The following NAV3 variants were observed in gnomAD, a reference collection of about 807,000 sequenced individuals.
The protein encoded by NAV3 is neuron navigator 3.
In NAV3, 87 loss-of-function variants were observed where a neutral mutation model predicts 244.7. That is an observed-to-expected ratio of 0.36 (90% CI 0.30 to 0.42). The LOEUF is 0.42. Ranked by LOEUF, NAV3 falls within the 20% of genes least tolerant of loss-of-function variation. The probability of loss-of-function intolerance (pLI) is 1.00; values close to 1 mark genes in which losing one functional copy is unlikely to be tolerated. For synonymous variants in NAV3, 1,126 were observed against 1,042.2 expected (o/e 1.08, Z -1.55); for missense variants, 2,663 against 2,893.3 (o/e 0.92, Z 1.83).
chr12:77,619,923 A>G (rs1229550742), intron 2 of NAV3, among the ~76,000 whole-genome samples: 1 of 152,124 alleles, frequency 6.6e-6, no homozygotes, highest in Non-Finnish European at 1.5e-5. Context: ...GAAATTTTCA[A>G]ATGTTTAAAT....
At chr12:77,837,674 T>A (rs1874903095) in intron 1 of NAV3, among the ~76,000 whole-genome samples, 1 of 152,138 alleles carries the variant, frequency 6.6e-6, no homozygotes, top group Non-Finnish European at 1.5e-5. Flanking sequence ...ACTGCAGCAA[T>A]AAATACTTCT....
rs192660819 is a variant in NAV3 at position 77,936,050 on chromosome 12, C to T, written c.244-4269C>T. On this transcript the variant is annotated intron_variant, in intron 1 of 39. Transcript: ENST00000397909. ...GTATCAGTAGGTTATAATATTATTG[C>T]CATTTTACAGATGAGAATACTGGGG... is the stretch of plus-strand genomic sequence containing the variant. Among the ~76,000 whole-genome samples, 19 of 152,128 alleles carry T rather than the reference C, an allele frequency of 1.2e-4. No individual in the cohort carries two copies. The East Asian group carries it at 3.5e-3, about 28-fold the overall frequency.
rs71088358 is a variant in NAV3 at position 78,092,491 on chromosome 12, C to CTTTTTT, written c.2637-24260_2637-24255dup. Among the ~76,000 whole-genome samples the CTTTTTT allele has an allele frequency of 2.3e-4, 15 of 64,028 alleles. 2 individuals carry two copies. Among genetic ancestry groups the CTTTTTT allele is most frequent in the South Asian group, 6.1e-4 (1 of 1,652 alleles). The allele number at this position is 64,028 out of a possible 152,430, so 42.0% of individuals were successfully genotyped here. Reference sequence around the variant, plus strand: ...ACCCTTTGAAAGCGTTAGTTATTTTCTTTTTTTTTTTTTTTTTTTTTTTTT... The same window carrying CTTTTTT: ...ACCCTTTGAAAGCGTTAGTTATTTTCTTTTTTTTTTTTTTTTTTTTTTTTTTTTTTT... On this transcript the variant is annotated intron_variant, in intron 12 of 39. Transcript: ENST00000397909.
At chr12:77,608,180 A>G (rs1486452114) in intron 2 of NAV3, among the ~76,000 whole-genome samples, 11 of 152,112 alleles carry the variant, frequency 7.2e-5, no homozygotes, top group Non-Finnish European at 1.5e-5. Flanking sequence ...TGGGTATGTC[A>G]CTGCATTTAT....
intron 30 of NAV3, among the ~76,000 whole-genome samples, chr12:78,182,821 T>C (rs1025541767): frequency 6.6e-6 from 1 of 151,936 alleles, no homozygotes; most frequent in African/African-American, 2.4e-5. Flanking sequence ...AAAAATTAAA[T>C]CACACAACCA....
At chr12:77,968,394 T>C in intron 4 of NAV3, 125 bp from the exon 5 acceptor site, 2 of 749,448 alleles carry the variant, frequency 2.7e-6, no homozygotes, top group South Asian at 3.4e-5. Flanking sequence ...GATTCAACTG[T>C]GACTGAGAGA....
intron 16 of NAV3, among the ~76,000 whole-genome samples, chr12:78,123,486 T>C (rs300446): frequency 0.68 from 103,651 of 151,950 alleles, 35,633 homozygotes; most frequent in Admixed American, 0.72. Context: ...CCAGTTTCCC[T>C]TTAATGTAGG....
intron 9 of NAV3, among the ~76,000 whole-genome samples, chr12:78,049,218 G>C (rs1403373253): frequency 2.0e-5 from 3 of 152,124 alleles, no homozygotes; most frequent in Non-Finnish European, 4.4e-5. Context: ...CCCTTTCCAG[G>C]TGAGTGGATG....
intron 9 of NAV3, among the ~76,000 whole-genome samples, chr12:78,039,277 C>T (rs766202005): frequency 7.9e-5 from 12 of 152,204 alleles, no homozygotes; most frequent in Non-Finnish European, 1.3e-4. Flanking sequence ...GTTCTGTTTA[C>T]GACTCAAAAT....
intron 16 of NAV3, among the ~76,000 whole-genome samples, chr12:78,124,942 A>G (rs1955841723): frequency 6.6e-6 from 1 of 152,214 alleles, no homozygotes; most frequent in Admixed American, 6.5e-5. Context: ...TATAATATTA[A>G]TATTAATTAG....
rs1324021716 is a variant in NAV3 at position 78,199,332 on chromosome 12, T to C, written c.6519-3T>C. On this transcript the variant is annotated splice_polypyrimidine_tract_variant and splice_region_variant and intron_variant, in intron 36 of 39. Coordinates refer to ENST00000397909, the MANE Select transcript of NAV3 (RefSeq NM_001024383.2). ...AAATGTCTGATTTTTTTTCTTTTTG[T>C]AGGTGGGTATTATGTGCAAATCATA... is the stretch of plus-strand genomic sequence containing the variant. 8 of 1,578,088 alleles carry C rather than the reference T, an allele frequency of 5.1e-6. No homozygotes were observed. The Admixed American group carries it at 1.6e-4, about 31-fold the overall frequency.
chr12:77,639,380 A>C (rs1872295399), intron 2 of NAV3, among the ~76,000 whole-genome samples: 1 of 152,154 alleles, frequency 6.6e-6, no homozygotes, highest in African/African-American at 2.4e-5. Flanking sequence ...CAGAAACTTC[A>C]TTAATTTATT....
At chr12:77,619,860 G>A (rs936543370) in intron 2 of NAV3, among the ~76,000 whole-genome samples, 4 of 151,644 alleles carry the variant, frequency 2.6e-5, no homozygotes, top group African/African-American at 9.7e-5. Context: ...GCACGTTAAT[G>A]TGACAAAAAG....
intron 2 of NAV3, among the ~76,000 whole-genome samples, chr12:77,659,786 A>T (rs997732567): frequency 1.3e-5 from 2 of 152,200 alleles, no homozygotes; most frequent in African/African-American, 2.4e-5. Context: ...AGCCATAAAA[A>T]ATGATGAGTT....
intron 2 of NAV3, among the ~76,000 whole-genome samples, chr12:77,685,283 C>G (rs1176030955): frequency 1.3e-5 from 2 of 152,134 alleles, no homozygotes; most frequent in Non-Finnish European, 2.9e-5. Flanking sequence ...ATTTGCTAAG[C>G]GCCTTGGAGC....
At chr12:77,727,292 G>A (rs1440770610) in intron 2 of NAV3, among the ~76,000 whole-genome samples, 1 of 151,888 alleles carries the variant, frequency 6.6e-6, no homozygotes, top group East Asian at 1.9e-4. Flanking sequence ...GTTTACGAGT[G>A]TAGTCAAGGC....
At chr12:77,805,526 CGTGGTGAATAAGCTTTTTGAT>C (rs1338850365) in intron 2 of NAV3, among the ~76,000 whole-genome samples, 2 of 152,146 alleles carry the variant, frequency 1.3e-5, no homozygotes, top group Non-Finnish European at 2.9e-5. Context: ...CCGACTTGAT[CGTGGTGAATAAGCTTTTTGAT>C]GTGCTGCTGG....
chr12:77,601,053 GA>G (rs1870407455), intron 2 of NAV3, among the ~76,000 whole-genome samples: 1 of 151,970 alleles, frequency 6.6e-6, no homozygotes, highest in Non-Finnish European at 1.5e-5. Context: ...TTTCCTTACT[GA>G]AATTGTAATA....
chr12:78,084,446 T>A (rs1002549639), intron 12 of NAV3, among the ~76,000 whole-genome samples: 4 of 152,234 alleles, frequency 2.6e-5, no homozygotes, highest in African/African-American at 9.6e-5. Context: ...CTGTCCTGTA[T>A]CACCAATTTT....
Sources: gnomAD v4.1 joint callset for allele counts (sites outside exome capture counted in the v4.1 genomes callset) on GRCh38, gnomAD v4.1.1 for gene constraint, MANE v1.5 for transcripts, NCBI Gene and HGNC (gene_info 2026-07-23, HGNC 2026-07-21) for gene names.